The following TAF1D variants were observed in gnomAD, a reference collection of about 807,000 sequenced individuals.
TAF1D encodes TATA box-binding protein-associated factor RNA polymerase I subunit D.
Under a neutral mutation model 26.2 loss-of-function variants are expected in TAF1D, and 23 were observed. The ratio of observed to expected loss-of-function variants is 0.88; its 90% confidence interval spans 0.63 to 1.25. The LOEUF (loss-of-function observed/expected upper bound fraction) is 1.25. Among genes scored for constraint, TAF1D ranks in the 50% most tolerant of loss-of-function variants. TAF1D has a pLI of 0.00. For missense variants in TAF1D, 299 were observed against 322.0 expected (o/e 0.93, Z 0.55); for synonymous variants, 100 against 105.6 (o/e 0.95, Z 0.33).
Position 93,738,347 on chromosome 11 carries a change from G to GATA in TAF1D, c.220_221insTAT (p.Pro74delinsLeuSer), listed in dbSNP as rs1370497035. Reference sequence around the variant, plus strand: ...TTCAAAAATAGCTTTTATAGTCAATGGTATTGGTTCAAAAGATGAGTCACT... The same window carrying GATA: ...TTCAAAAATAGCTTTTATAGTCAATGATAGTATTGGTTCAAAAGATGAGTCACT... On this transcript the variant is annotated protein_altering_variant, in exon 3 of 6. Transcript: ENST00000448108. 1 of 1,613,330 alleles carries GATA rather than the reference G, an allele frequency of 6.2e-7. No individual in the cohort carries two copies. The highest frequency in any genetic ancestry group is 1.7e-5 in the Admixed American group (1 of 59,874).
Position 93,738,537 on chromosome 11 carries a change from TCTTA to T in TAF1D, c.69-42_69-39del, listed in dbSNP as rs757767541. 5 of 1,517,214 alleles carry T rather than the reference TCTTA, an allele frequency of 3.3e-6. No individual in the cohort carries two copies. The South Asian group carries it at 5.4e-5, about 16-fold the overall frequency. The allele number at this position is 1,517,214 out of a possible 1,614,324, so 94.0% of individuals were successfully genotyped here. ...GAAAAAAATTAATTTCATCTTCTTT[TCTTA>T]CTGCTTATTACCATTAATACCCAGT... On this transcript the variant is annotated intron_variant, in intron 2 of 5. Transcript: ENST00000448108.
downstream of TAF1D, chr11:93,730,913 T>C (rs1938535776): frequency 4.2e-6 from 2 of 473,166 alleles, no homozygotes; most frequent in Admixed American, 2.4e-5. Context: ...CAAATCTCAC[T>C]GATTTTAAAG....
At chr11:93,732,074 A>T, downstream of TAF1D, 1 of 519,060 alleles carries the variant, frequency 1.9e-6, no homozygotes, top group Non-Finnish European at 3.8e-6. Flanking sequence ...GTCTCAATTT[A>T]GCCACATTAA....
rs542792111 is a variant in TAF1D at position 93,741,020 on chromosome 11, G to C, written c.-28+302C>G. Among the ~76,000 whole-genome samples, 160 of 152,346 alleles carry C rather than the reference G, an allele frequency of 1.1e-3. 2 individuals carry two copies. The highest frequency in any genetic ancestry group is 6.8e-3 in the Middle Eastern group (2 of 294). ...TGCAGAAAACCGGCGCGAGTAATGG[G>C]TACCTCACATACGAAGGTTAAATCA... On this transcript the variant is annotated intron_variant, in intron 1 of 5. Coordinates refer to ENST00000448108, the MANE Select transcript of TAF1D (RefSeq NM_024116.4).
downstream of TAF1D, chr11:93,732,669 T>C (rs779748962): frequency 3.1e-4 from 91 of 289,914 alleles, no homozygotes; most frequent in Non-Finnish European, 4.1e-4. Context: ...AACTCTAGTC[T>C]TTGCCTAATC....
chr11:93,730,242 G>GAAACTTCGAGCC (rs745459571), exon 12 of TAF1D: 1 of 1,550,990 alleles, frequency 6.4e-7, no homozygotes, highest in Non-Finnish European at 8.7e-7. Flanking sequence ...AAACACTAGA[G>GAAACTTCGAGCC]AAACTTCGAG....
rs1218967640 is a variant in TAF1D at position 93,741,441 on chromosome 11, A to G, written c.-147T>C. The G allele has an allele frequency of 6.6e-6, 3 of 456,196 alleles. No homozygotes were observed. In the Admixed American group the frequency reaches 7.0e-5, roughly 11 times the overall value. The allele number at this position is 456,196 out of a possible 1,614,324, so 28.3% of individuals were successfully genotyped here. ...CTGTACACACCACCCTCCCGACCTCAGCCCTCCAACTCCCGATAACCAGCC... is the reference window on the plus strand; with the variant it reads ...CTGTACACACCACCCTCCCGACCTCGGCCCTCCAACTCCCGATAACCAGCC... On this transcript the variant is annotated 5_prime_UTR_variant, in exon 1 of 6. Coordinates refer to ENST00000448108, the MANE Select transcript of TAF1D (RefSeq NM_024116.4).
chr11:93,735,660 CTCTG>C lies in TAF1D; in HGVS notation c.*497_*500del. The C allele has an allele frequency of 9.1e-6, 9 of 986,200 alleles. No homozygotes were observed. The highest frequency in any genetic ancestry group is 5.1e-4 in the Middle Eastern group (1 of 1,946). The allele number at this position is 986,200 out of a possible 1,614,324, so 61.1% of individuals were successfully genotyped here. A position where few individuals can be genotyped will look rare whatever the true frequency, so the allele number is the denominator to read the frequency against. Reference sequence around the variant, plus strand: ...CTACAGCCTGGGTGACAGATCGAGACTCTGTCTAAAAAAAATAGTATTAAAGATA... The same window carrying C: ...CTACAGCCTGGGTGACAGATCGAGACTCTAAAAAAAATAGTATTAAAGATA... On this transcript the variant is annotated 3_prime_UTR_variant, in exon 6 of 6. Transcript: ENST00000448108.
At chr11:93,733,646 T>A (rs184097182), downstream of TAF1D, 2 of 491,384 alleles carry the variant, frequency 4.1e-6, no homozygotes, top group South Asian at 3.0e-5. Flanking sequence ...GGATCTGCCA[T>A]GTCTTTTAAA....
At chr11:93,736,498 TAA>T in intron 5 of TAF1D, 194 bp from the exon 6 acceptor site, 1 of 1,424,934 alleles carries the variant, frequency 7.0e-7, no homozygotes, top group Non-Finnish European at 9.1e-7. Context: ...TGCTACTTAT[TAA>T]AAATAGTACT....
chr11:93,731,884 G>A, downstream of TAF1D: 2 of 377,642 alleles, frequency 5.3e-6, no homozygotes, highest in Non-Finnish European at 1.0e-5. Context: ...CAATGTTTCA[G>A]TCAATATACA....
In TAF1D at chr11:93,739,961, CAAAAAAAA is replaced by C. The variant is rs67574108; in HGVS notation, c.-27-638_-27-631del. Among the ~76,000 whole-genome samples the C allele has an allele frequency of 7.4e-3, 613 of 82,420 alleles. 4 individuals are homozygous for C. The highest frequency in any genetic ancestry group is 0.031 in the Middle Eastern group (3 of 98). The allele number at this position is 82,420 out of a possible 152,430, so 54.1% of individuals were successfully genotyped here. ...CCATGGTAGAGAGTATACAACATAC[CAAAAAAAA>C]AAAAAAAAAAAAAGAAAAAGATTCC... On this transcript the variant is annotated intron_variant, in intron 1 of 5. Transcript: ENST00000448108.
chr11:93,738,915 G>A, intron 2 of TAF1D: 2 of 366,290 alleles, frequency 5.5e-6, no homozygotes, highest in Non-Finnish European at 9.8e-6. Flanking sequence ...CCAAAAGGCT[G>A]TATGGTTCGG....
chr11:93,731,151 A>C, downstream of TAF1D: 2 of 477,880 alleles, frequency 4.2e-6, no homozygotes, highest in East Asian at 5.6e-5. Context: ...ATTACTTGCC[A>C]TAATTACTTT....
intron 1 of TAF1D, 92 bp downstream of exon 1, chr11:93,741,230 C>T (rs1941978637): frequency 2.3e-6 from 1 of 438,266 alleles, no homozygotes; most frequent in African/African-American, 2.0e-5. Flanking sequence ...TCTCGATCCT[C>T]CGGACCAACG....
downstream of TAF1D, chr11:93,731,487 A>G: frequency 1.9e-6 from 1 of 518,406 alleles, no homozygotes; most frequent in South Asian, 1.4e-5. Flanking sequence ...ATACAATGCA[A>G]TATTTAATGT....
chr11:93,734,123 A>G (rs1389201426), downstream of TAF1D: 1 of 152,986 alleles, frequency 6.5e-6, no homozygotes, highest in East Asian at 1.9e-4. Flanking sequence ...TCCCAATTCG[A>G]AGATTTCAGC....
downstream of TAF1D, chr11:93,731,651 A>G (rs779803939): frequency 3.5e-5 from 17 of 483,864 alleles, no homozygotes; most frequent in Non-Finnish European, 6.1e-5. Flanking sequence ...AGATGTTGCA[A>G]TAGCATTGCT....
downstream of TAF1D, chr11:93,732,922 A>G: frequency 7.5e-6 from 2 of 267,570 alleles, no homozygotes; most frequent in South Asian, 7.6e-5. Flanking sequence ...TGGTAGGTAT[A>G]GACATGCAGT....
Sources: gnomAD v4.1 joint callset for allele counts (sites outside exome capture counted in the v4.1 genomes callset) on GRCh38, gnomAD v4.1.1 for gene constraint, MANE v1.5 for transcripts, NCBI Gene and HGNC (gene_info 2026-07-23, HGNC 2026-07-21) for gene names.